LENG8: variants seen among roughly 807,000 people sequenced by gnomAD.
LENG8 encodes leukocyte receptor cluster member 8.
LENG8 carries 28 observed loss-of-function variants against 102.1 expected under a neutral mutation model. The observed-to-expected ratio is 0.27, with a 90% CI of 0.20 to 0.38. The LOEUF is 0.38. Among genes scored for constraint, LENG8 ranks in the 10% least tolerant of loss-of-function variants. The pLI, the probability that LENG8 is intolerant of heterozygous loss-of-function variation, is 1.00. For synonymous variants in LENG8, 531 were observed against 456.7 expected, an observed-to-expected ratio of 1.16 and a Z score of -2.07; for missense variants, 1,022 against 1,113.9, an observed-to-expected ratio of 0.92 and a Z score of 1.17.
chr19:54,460,719 G>GC, intron 15 of LENG8, 47 bp from the exon 16 acceptor site: 52 of 778,832 alleles, frequency 6.7e-5, no homozygotes, highest in Middle Eastern at 4.7e-4. Flanking sequence ...GCCCTCCCCT[G>GC]CCCTCCCGCC....
chr19:54,461,032 G>T lies in LENG8; in HGVS notation c.*104G>T, dbSNP rs1394334109. 6.7e-7 allele frequency: 1 copy of T among 1,501,438 alleles called. No individual in the cohort carries two copies. The highest frequency in any genetic ancestry group is 8.9e-7 in the Non-Finnish European group (1 of 1,119,772). 93.0% of individuals were successfully genotyped at this position (1,501,438 alleles called of 1,614,324 possible). On this transcript the variant is annotated 3_prime_UTR_variant, in exon 16 of 16. Coordinates refer to ENST00000326764, the MANE Select transcript of LENG8 (RefSeq NM_052925.4). ...CTTGGGTTGTAAATTTATTTGTGGG[G>T]AGTGCGCTCCAGGAAGAGCCACCAT...
chr19:54,454,833 C>T, intron 6 of LENG8, 118 bp from the exon 7 acceptor site: 1 of 1,453,526 alleles, frequency 6.9e-7, no homozygotes, highest in Non-Finnish European at 9.4e-7. Context: ...CACATGTGTG[C>T]TGGAGCCCTC....
chr19:54,460,944 G>A lies in LENG8; in HGVS notation c.*16G>A. On this transcript the variant is annotated 3_prime_UTR_variant, in exon 16 of 16. Transcript: ENST00000326764. ...AGCCTTCTGAGCACCCAGCGAGGAG[G>A]GGCGGGGGCAGGGGCTGCAGCCCCC... The A allele has an allele frequency of 6.5e-7, 1 of 1,527,924 alleles. No individual in the cohort carries two copies. The highest frequency in any genetic ancestry group is 8.8e-7 in the Non-Finnish European group (1 of 1,139,838). 94.6% of individuals were successfully genotyped at this position (1,527,924 alleles called of 1,614,324 possible).
At chr19:54,460,713 T>A in intron 15 of LENG8, 53 bp from the exon 16 acceptor site, 2 of 1,405,788 alleles carry the variant, frequency 1.4e-6, no homozygotes, top group Non-Finnish European at 1.9e-6. Context: ...CGTGGGGCCC[T>A]CCCCTGCCCT....
intron 8 of LENG8, 57 bp downstream of exon 8, chr19:54,455,624 G>C (rs1018490105): frequency 7.5e-6 from 11 of 1,470,538 alleles, no homozygotes; most frequent in Non-Finnish European, 1.0e-5. Context: ...GCATGGGCTG[G>C]GTATGGAGGT....
intron 12 of LENG8, 24 bp downstream of exon 12, chr19:54,457,872 C>T (rs58754204): frequency 6.2e-7 from 1 of 1,613,322 alleles, no homozygotes; most frequent in Non-Finnish European, 8.5e-7. Flanking sequence ...TGGGAGGGGC[C>T]TGGCCTCAGC....
intron 9 of LENG8, 36 bp downstream of exon 9, chr19:54,456,281 A>G: frequency 6.2e-7 from 1 of 1,613,898 alleles, no homozygotes; most frequent in Non-Finnish European, 8.5e-7. Context: ...TGTGTGAGGG[A>G]GGGGGAGGCG....
Position 54,455,439 on chromosome 19 carries a change from C to G in LENG8, c.897C>G (p.Arg299=), listed in dbSNP as rs1249510237. The change falls in exon 8 of 16, where the codon CGC becomes CGG. Residue 299 remains arginine (R), a synonymous_variant. Transcript: ENST00000326764. The stretch of plus-strand genomic sequence containing the variant: ...AGGACATGAAAGAGTATGTGGAGCG[C>G]TGCTTCACCGCCTGTGAGTCGGAGG... ...WPQDMKEYVE[R]CFTACESEED... The G allele has an allele frequency of 6.2e-7, 1 of 1,614,184 alleles. No homozygotes were observed. Among genetic ancestry groups the G allele is most frequent in the Non-Finnish European group, 8.5e-7 (1 of 1,180,042 alleles).
At position 54,461,413 on chromosome 19, in the gene LENG8, G is replaced by GC. The variant is rs1357495861; in HGVS notation, c.*489dup. 2.2e-6 allele frequency: 1 copy of GC among 458,132 alleles called. No individual in the cohort carries two copies. Among genetic ancestry groups the GC allele is most frequent in the Non-Finnish European group, 4.4e-6 (1 of 227,466 alleles). 28.4% of individuals were successfully genotyped at this position (458,132 alleles called of 1,614,324 possible). On this transcript the variant is annotated 3_prime_UTR_variant, in exon 16 of 16. Coordinates refer to ENST00000326764, the MANE Select transcript of LENG8 (RefSeq NM_052925.4). The stretch of plus-strand genomic sequence containing the variant: ...GCTTCGCCACAGACTCTTGTTCCCA[G>GC]CCCCTTGGGGCCTCCGTGTTTGGGG...
chr19:54,458,162 C>T lies in LENG8; in HGVS notation c.1962C>T (p.Asn654=). The part of the protein sequence containing the change: ...QTQLKSLYAE[N]LPGNVGEFTA... ...AGCTCAAGTCGCTGTACGCCGAGAA[C>T]TTGCCTGGCAATGTGGGCGAGTTTA... The change falls in exon 14 of 16, where the codon AAC becomes AAT. Residue 654 remains asparagine, a synonymous_variant. Coordinates refer to ENST00000326764, the MANE Select transcript of LENG8 (RefSeq NM_052925.4). 1 of 1,614,232 alleles carries T rather than the reference C, an allele frequency of 6.2e-7. No individual in the cohort carries two copies. Among genetic ancestry groups the T allele is most frequent in the Non-Finnish European group, 8.5e-7 (1 of 1,180,046 alleles).
intron 5 of LENG8, 149 bp from the exon 6 acceptor site, chr19:54,454,281 T>C (rs974627310): frequency 5.6e-6 from 4 of 720,146 alleles, no homozygotes; most frequent in African/African-American, 1.8e-5. Context: ...ACAGAGTTAC[T>C]GAGGACTCGA....
At chr19:54,459,017 G>A (rs777047659) in intron 15 of LENG8, 103 of 1,436,510 alleles carry the variant, frequency 7.2e-5, no homozygotes, top group South Asian at 1.4e-4. Flanking sequence ...CACACTGGGC[G>A]CGGTGCCAGA....
chr19:54,450,769 T>A (rs1448913613), intron 1 of LENG8, among the ~76,000 whole-genome samples: 1 of 152,042 alleles, frequency 6.6e-6, no homozygotes, highest in African/African-American at 2.4e-5. Context: ...TACAGGCATA[T>A]GCCACCATGC....
rs774725680 is a variant in LENG8 at position 54,461,260 on chromosome 19, G to A, written c.*332G>A. The A allele has an allele frequency of 3.3e-5, 17 of 520,306 alleles. No individual in the cohort carries two copies. Among genetic ancestry groups the A allele is most frequent in the Non-Finnish European group, 5.5e-5 (15 of 270,484 alleles). 32.2% of individuals were successfully genotyped at this position (520,306 alleles called of 1,614,324 possible). On this transcript the variant is annotated 3_prime_UTR_variant, in exon 16 of 16. Transcript: ENST00000326764. ...TCTCTCTCTTTCGAGCTTGCACTCC[G>A]GTACCCGACCCGGCGCCCTGGCCCA...
rs1042348119 is a variant in LENG8 at position 54,456,006 on chromosome 19, G to T, written c.1065G>T (p.Lys355Asn). ...REPVAESPKKKRWEAASSLHP... is the reference protein window; with the variant it reads ...REPVAESPKKNRWEAASSLHP... ...CTGTGGCTGAGAGCCCTAAGAAGAAGCGGTGGGAGGCCGCTAGCAGCCTTC... is the reference window on the plus strand; with the variant it reads ...CTGTGGCTGAGAGCCCTAAGAAGAATCGGTGGGAGGCCGCTAGCAGCCTTC... Residue 355 changes from lysine (K) to asparagine (N), a missense_variant, in exon 9 of 16, where the codon AAG becomes AAT. Coordinates refer to ENST00000326764, the MANE Select transcript of LENG8 (RefSeq NM_052925.4). 26 of 1,613,082 alleles carry T rather than the reference G, an allele frequency of 1.6e-5. No homozygotes were observed. The Admixed American group carries it at 3.5e-4, about 22-fold the overall frequency.
chr19:54,460,039 G>C (rs2084451398), intron 15 of LENG8: 2 of 1,284,600 alleles, frequency 1.6e-6, no homozygotes, highest in African/African-American at 3.0e-5. Context: ...CATTGTGTCA[G>C]CACCTTCCCC....
At position 54,458,103 on chromosome 19, in the gene LENG8, G is replaced by A. The variant is rs548690849; in HGVS notation, c.1903G>A (p.Gly635Ser). 9.3e-6 allele frequency: 15 copies of A among 1,613,034 alleles called. No individual in the cohort carries two copies. The East Asian group carries it at 2.9e-4, about 31-fold the overall frequency. ...CTCCCTCGGTGCCTCTGCCTTCCAG[G>A]GTGACCATGAAGAGTTTAACCAGTG... Reference protein sequence around the residue: ...ETHARIALEKGDHEEFNQCQT... With the variant: ...ETHARIALEKSDHEEFNQCQT... Residue 635 changes from glycine (G) to serine (S), a missense_variant and splice_region_variant, in exon 14 of 16, where the codon GGT (glycine) becomes AGT (serine). By Grantham distance (56) the Gly-to-Ser change is moderately conservative. Coordinates refer to ENST00000326764, the MANE Select transcript of LENG8 (RefSeq NM_052925.4).
intron 15 of LENG8, 47 bp from the exon 16 acceptor site, chr19:54,460,719 G>GGGGC: frequency 3.8e-4 from 299 of 778,218 alleles, no homozygotes; most frequent in Non-Finnish European, 4.8e-4. Flanking sequence ...GCCCTCCCCT[G>GGGGC]CCCTCCCGCC....
rs752442439 is a variant in LENG8 at position 54,457,834 on chromosome 19, C to G, written c.1819C>G (p.Arg607Gly). ...AFACEQMKSIRQDLTVQGIRT... is the reference protein window; with the variant it reads ...AFACEQMKSIGQDLTVQGIRT... ...TGCCTGCGAGCAGATGAAGTCGATC[C>G]GGCAGGATCTGACGGTGAGACTCGC... The change falls in exon 12 of 16, where the codon CGG becomes GGG. Residue 607 changes from arginine to glycine, a missense_variant. Physicochemically the swap from Arg to Gly is moderately radical, Grantham distance 125. This residue lies in a region of LENG8 where 158 missense variants were observed against 229.0 expected (regional missense o/e 0.69). Coordinates refer to ENST00000326764, the MANE Select transcript of LENG8 (RefSeq NM_052925.4). 1 of 1,614,096 alleles carries G rather than the reference C, an allele frequency of 6.2e-7. No homozygotes were observed. Among genetic ancestry groups the G allele is most frequent in the Non-Finnish European group, 8.5e-7 (1 of 1,179,926 alleles).
Sources: allele counts gnomAD v4.1 joint callset (sites outside exome capture counted in the v4.1 genomes callset), GRCh38; gene constraint gnomAD v4.1.1; regional missense constraint gnomAD v4.1.1; transcripts MANE v1.5; gene names NCBI Gene and HGNC (gene_info 2026-07-23, HGNC 2026-07-21).